DOP1A: variants seen among roughly 807,000 people sequenced by gnomAD.
DOP1A encodes the protein protein DOP1A.
DOP1A carries 90 observed loss-of-function variants against 267.6 expected under a neutral mutation model. That is an observed-to-expected ratio of 0.34 (90% confidence interval 0.28 to 0.40). The LOEUF (loss-of-function observed/expected upper bound fraction) is 0.40, where lower values mean the gene tolerates loss of function less well. Among genes scored for constraint, DOP1A ranks in the 10% least tolerant of loss-of-function variants. DOP1A has a pLI of 1.00. For synonymous variants in DOP1A, 932 were observed against 999.1 expected, an observed-to-expected ratio of 0.93 and a Z score of 1.27; for missense variants, 2,437 against 2,900.4, an observed-to-expected ratio of 0.84 and a Z score of 3.67.
At chr6:83,162,377 C>CAGTT (rs1172277830) in intron 37 of DOP1A, among the ~76,000 whole-genome samples, 1 of 151,976 alleles carries the variant, frequency 6.6e-6, no homozygotes, top group Non-Finnish European at 1.5e-5. Context: ...AACATTTGGC[C>CAGTT]AGTTATATGT....
intron 1 of DOP1A, among the ~76,000 whole-genome samples, chr6:83,092,820 T>C (rs1301902027): frequency 6.6e-6 from 1 of 152,170 alleles, no homozygotes; most frequent in African/African-American, 2.4e-5. Flanking sequence ...TGAGCAGTTA[T>C]CATCTATAGC....
At chr6:83,087,726 C>T (rs780387944) in intron 1 of DOP1A, among the ~76,000 whole-genome samples, 5 of 152,152 alleles carry the variant, frequency 3.3e-5, no homozygotes, top group Non-Finnish European at 7.3e-5. Context: ...TTAAAATACA[C>T]GAAGCACTTG....
intron 20 of DOP1A, 127 bp from the exon 21 acceptor site, chr6:83,137,046 T>C (rs1303176858): frequency 1.1e-6 from 1 of 943,618 alleles, no homozygotes; most frequent in East Asian, 2.9e-5. Flanking sequence ...TAAAATGTAA[T>C]TTTAGGAAAA....
chr6:83,167,607 T>C, intron 38 of DOP1A: 1 of 1,178,598 alleles, frequency 8.5e-7, no homozygotes, highest in Non-Finnish European at 1.0e-6. Context: ...TTCAAAGCTA[T>C]TTCTGTTAAC....
intron 4 of DOP1A, among the ~76,000 whole-genome samples, chr6:83,104,576 A>G (rs1057072358): frequency 2.6e-5 from 4 of 152,124 alleles, no homozygotes; most frequent in Non-Finnish European, 5.9e-5. Context: ...TAACATTGGT[A>G]TAATTATTTA....
chr6:83,163,642 G>T (rs1015452035), intron 38 of DOP1A, among the ~76,000 whole-genome samples: 2 of 151,966 alleles, frequency 1.3e-5, no homozygotes. Context: ...CTATATAACC[G>T]AATCTAAAGT....
chr6:83,148,730 G>A, intron 26 of DOP1A, 29 bp from the exon 27 acceptor site: 1 of 1,407,200 alleles, frequency 7.1e-7, no homozygotes, highest in Non-Finnish European at 9.6e-7. Context: ...GTTTATTGTG[G>A]CTTTTGTATA....
intron 27 of DOP1A, among the ~76,000 whole-genome samples, chr6:83,151,060 TCGG>T (rs1416841260): frequency 1.3e-5 from 2 of 152,268 alleles, no homozygotes; most frequent in Non-Finnish European, 2.9e-5. Flanking sequence ...ATATTTTGTG[TCGG>T]CTTCTTTTGT....
chr6:83,150,309 G>T (rs1216469003), intron 27 of DOP1A, among the ~76,000 whole-genome samples: 3 of 152,186 alleles, frequency 2.0e-5, no homozygotes, highest in Non-Finnish European at 4.4e-5. Context: ...ATGTACAGGT[G>T]TTGGAATCAT....
intron 4 of DOP1A, among the ~76,000 whole-genome samples, chr6:83,107,618 T>A (rs113142811): frequency 3.5e-4 from 53 of 152,292 alleles, no homozygotes; most frequent in African/African-American, 1.3e-3. Context: ...GAATGATAAG[T>A]GTTTTAGTAA....
At chr6:83,164,761 T>G in intron 38 of DOP1A, 1 of 1,513,088 alleles carries the variant, frequency 6.6e-7, no homozygotes, top group Non-Finnish European at 9.0e-7. Context: ...GCAGCAAAAG[T>G]TGCCAAATAT....
At chr6:83,128,229 G>T (rs961546502) in intron 15 of DOP1A, among the ~76,000 whole-genome samples, 2 of 152,110 alleles carry the variant, frequency 1.3e-5, no homozygotes, top group African/African-American at 4.8e-5. Flanking sequence ...CAGAAAATAT[G>T]CTTGATATTT....
At chr6:83,130,066 AGT>A in intron 16 of DOP1A, 55 bp from the exon 17 acceptor site, 1 of 1,563,170 alleles carries the variant, frequency 6.4e-7, no homozygotes, top group Non-Finnish European at 8.7e-7. Context: ...ATTAACTTAG[AGT>A]GTGTGTGAAA....
intron 1 of DOP1A, among the ~76,000 whole-genome samples, chr6:83,080,846 T>G (rs537690610): frequency 6.6e-6 from 1 of 152,214 alleles, no homozygotes; most frequent in East Asian, 1.9e-4. Flanking sequence ...ATCTACAGAT[T>G]CAATACAATT....
intron 1 of DOP1A, among the ~76,000 whole-genome samples, chr6:83,092,556 T>TCCCCCCCCCC (rs66482434): frequency 8.8e-5 from 6 of 67,846 alleles, no homozygotes; most frequent in Non-Finnish European, 1.4e-4. Flanking sequence ...GTAGTGTCCC[T>TCCCCCCCCCC]CCCCCCCCCC....
rs940677618 is a variant in DOP1A, at chr6:83,115,519, G to A, written c.780+2098G>A. 2.0e-5 allele frequency among the ~76,000 whole-genome samples: 3 copies of A among 152,166 alleles called. No individual in the cohort carries two copies. In the South Asian group the frequency reaches 6.2e-4, roughly 32 times the overall value. On this transcript the variant is annotated intron_variant, in intron 7 of 38. Transcript: ENST00000349129. ...AAGCGGATTACGAGGTCAGGAGATC[G>A]AGACCATCCTGGCTAACACGGTGAA...
chr6:83,130,582 C>T (rs534128131), intron 17 of DOP1A, among the ~76,000 whole-genome samples, 185 bp downstream of exon 17: 1 of 152,056 alleles, frequency 6.6e-6, no homozygotes, highest in East Asian at 1.9e-4. Flanking sequence ...CATCTTATTC[C>T]CAATTTTGTG....
At chr6:83,075,361 A>G (rs992653163) in intron 1 of DOP1A, among the ~76,000 whole-genome samples, 1 of 152,204 alleles carries the variant, frequency 6.6e-6, no homozygotes, top group African/African-American at 2.4e-5. Flanking sequence ...CAGTTCAATT[A>G]CAATAAAGCA....
chr6:83,158,254 A>G (rs548072661), intron 35 of DOP1A, among the ~76,000 whole-genome samples: 9 of 151,884 alleles, frequency 5.9e-5, no homozygotes, highest in East Asian at 1.9e-4. Context: ...GCCCACCTCG[A>G]CCTCCCAAAG....
Sources: allele counts gnomAD v4.1 joint callset (sites outside exome capture counted in the v4.1 genomes callset), GRCh38; gene constraint gnomAD v4.1.1; transcripts MANE v1.5; gene names NCBI Gene and HGNC (gene_info 2026-07-23, HGNC 2026-07-21).